MUC20: variants seen among roughly 807,000 people sequenced by gnomAD.
MUC20 encodes mucin 20, cell surface associated.
MUC20 carries 14 observed loss-of-function variants against 23.8 expected under a neutral mutation model. That is an observed-to-expected ratio of 0.59 (90% CI 0.39 to 0.92). The LOEUF (loss-of-function observed/expected upper bound fraction) is 0.92. Among genes scored for constraint, MUC20 ranks in the 40% least tolerant of loss-of-function variants. The pLI is 0.00. For synonymous variants in MUC20, 166 were observed against 279.3 expected (o/e 0.59, Z 4.04); for missense variants, 375 against 668.8 (o/e 0.56, Z 4.85).
At chr3:195,732,401 C>T (rs1054288604) in intron 3 of MUC20, among the ~76,000 whole-genome samples, 4 of 151,780 alleles carry the variant, frequency 2.6e-5, no homozygotes, top group Non-Finnish European at 5.9e-5. Context: ...GCTCTGTCGT[C>T]CAGGCTGGAG....
intron 3 of MUC20, among the ~76,000 whole-genome samples, chr3:195,732,898 T>C (rs1407614670): frequency 6.6e-6 from 1 of 152,252 alleles, no homozygotes; most frequent in African/African-American, 2.4e-5. Context: ...CTGTGTGATC[T>C]TGGATAAGTT....
rs73203948 is a variant in MUC20, at chr3:195,726,546, C to G, written c.1943C>G (p.Thr648Arg). 30 of 1,612,048 alleles carry G rather than the reference C, an allele frequency of 1.9e-5. No individual in the cohort carries two copies. The highest frequency in any genetic ancestry group is 1.6e-4 in the African/African-American group (12 of 74,936). ...PPTATPTTAR[T>R]RPTTDVSAGE... ...ACAGCCACGCCCACGACTGCCCGGA[C>G]GAGGCCGACCACAGACGTGAGTGCA... Residue 648 changes from threonine (T) to arginine (R), a missense_variant, in exon 2 of 4, where the codon ACG becomes AGG. This residue lies in a region of MUC20 where 343 missense variants were observed against 340.2 expected (regional missense o/e 1.01). Coordinates refer to ENST00000447234, the MANE Select transcript of MUC20 (RefSeq NM_001282506.2).
rs1295666194 is a variant in MUC20 at position 195,726,231 on chromosome 3, A to C, written c.1628A>C (p.Tyr543Ser). 2.5e-6 allele frequency: 4 copies of C among 1,613,704 alleles called. No homozygotes were observed. In the Admixed American group the frequency reaches 6.7e-5, roughly 27 times the overall value. The stretch of plus-strand genomic sequence containing the variant: ...GCCCTCTCTGTTGAGACACCAAGTT[A>C]CGTCAAAGTCTCAGGAGCAGCTCCG... ...TSALSVETPS[Y>S]VKVSGAAPVS... Residue 543 changes from tyrosine to serine, a missense_variant, in exon 2 of 4, where the codon TAC (tyrosine) becomes TCC (serine). Around this residue, in one of 4 missense-constraint regions of MUC20, gnomAD observed 343 missense variants for 340.2 expected, o/e 1.01. Transcript: ENST00000447234.
intron 2 of MUC20, 65 bp downstream of exon 2, chr3:195,726,637 C>T: frequency 6.5e-7 from 1 of 1,528,318 alleles, no homozygotes; most frequent in Non-Finnish European, 8.9e-7. Flanking sequence ...CGTCTCCGCA[C>T]TTGAGGAGTG....
chr3:195,733,029 GC>G, intron 3 of MUC20, 120 bp from the exon 4 acceptor site: 1 of 1,028,054 alleles, frequency 9.7e-7, no homozygotes, highest in Non-Finnish European at 1.5e-6. Context: ...CATGTAGGAG[GC>G]CCAGGAAGGG....
rs767610475 is a variant in MUC20, at chr3:195,724,866, CT to C, written c.264del (p.Ala89GlnfsTer17). On this transcript the variant is annotated frameshift_variant, in exon 2 of 4. Coordinates refer to ENST00000447234, the MANE Select transcript of MUC20 (RefSeq NM_001282506.2). LOFTEE classifies it high-confidence loss of function. Reference sequence around the variant, plus strand: ...ACCAGGGGAGCCAAGAGAATTTCCCCTGCAAGAGAGACCAGGAGTTTCACAA... The same window carrying C: ...ACCAGGGGAGCCAAGAGAATTTCCCCGCAAGAGAGACCAGGAGTTTCACAA... ...AETRGAKRIS[P>X]ARETRSFTKT... The C allele has an allele frequency of 1.5e-6, 2 of 1,306,956 alleles. No homozygotes were observed. The highest frequency in any genetic ancestry group is 3.7e-5 in the Admixed American group (2 of 53,750). 81.0% of individuals were successfully genotyped at this position (1,306,956 alleles called of 1,614,324 possible).
Position 195,729,854 on chromosome 3 carries a change from G to A in MUC20, c.2061+115G>A, listed in dbSNP as rs532303415. ...GCTACCGCGCTTGGAAGGGAGTCTC[G>A]TTTCTTACGGAGAATTGGGAGCTGA... is the stretch of plus-strand genomic sequence containing the variant. On this transcript the variant is annotated intron_variant, in intron 3 of 3. Transcript: ENST00000447234. 62 of 1,006,960 alleles carry A rather than the reference G, an allele frequency of 6.2e-5. No individual in the cohort carries two copies. In the East Asian group the frequency reaches 7.3e-4, roughly 12 times the overall value. 62.4% of individuals were successfully genotyped at this position (1,006,960 alleles called of 1,614,324 possible).
chr3:195,729,613 G>C (rs1242086934), intron 2 of MUC20, 35 bp from the exon 3 acceptor site: 1 of 1,547,660 alleles, frequency 6.5e-7, no homozygotes, highest in South Asian at 1.2e-5. Flanking sequence ...ACTGCGCCCA[G>C]CCCTGATTTT....
chr3:195,729,660 G>A lies in MUC20; in HGVS notation c.1982G>A (p.Gly661Asp). ...TTDVSAGENG[G>D]FLLLRLSVAS... ...TCTCCATTTGCAGGTGAAAATGGAGGTTTCCTCCTCCTGCGGCTGAGTGTG... is the reference window on the plus strand; with the variant it reads ...TCTCCATTTGCAGGTGAAAATGGAGATTTCCTCCTCCTGCGGCTGAGTGTG... The change falls in exon 3 of 4, where the codon GGT (glycine) becomes GAT (aspartate). Residue 661 changes from glycine (G) to aspartate (D), a missense_variant. By Grantham distance (94) the Gly-to-Asp change is moderately conservative. Around this residue, in one of 4 missense-constraint regions of MUC20, gnomAD observed 343 missense variants for 340.2 expected, o/e 1.01. Transcript: ENST00000447234. The A allele has an allele frequency of 6.3e-7, 1 of 1,584,070 alleles. No individual in the cohort carries two copies. Among genetic ancestry groups the A allele is most frequent in the South Asian group, 1.2e-5 (1 of 86,660 alleles).
At position 195,733,102 on chromosome 3, in the gene MUC20, T is replaced by C. The variant is rs1455179579; in HGVS notation, c.2062-48T>C. ...TTCCTGTCCTCTGCCTCTGGCGAGC[T>C]CATGGGCCAGATGGGCTGAAAGGAC... is the stretch of plus-strand genomic sequence containing the variant. On this transcript the variant is annotated intron_variant, in intron 3 of 3. Transcript: ENST00000447234. 5.8e-6 allele frequency: 9 copies of C among 1,550,558 alleles called. No homozygotes were observed. In the Admixed American group the frequency reaches 1.4e-4, roughly 23 times the overall value.
At chr3:195,728,665 A>G (rs551117677) in intron 2 of MUC20, among the ~76,000 whole-genome samples, 43 of 152,030 alleles carry the variant, frequency 2.8e-4, no homozygotes, top group African/African-American at 1.0e-3. Flanking sequence ...AATCCACCTC[A>G]GCACAGACCC....
chr3:195,733,296 C>A lies in MUC20; in HGVS notation c.*78C>A. On this transcript the variant is annotated 3_prime_UTR_variant, in exon 4 of 4. Coordinates refer to ENST00000447234, the MANE Select transcript of MUC20 (RefSeq NM_001282506.2). Reference sequence around the variant, plus strand: ...CCTAGCCTGGGCCCCCACCGACAGACTGCAGCTGCGTTACTGTGCTGAGAG... The same window carrying A: ...CCTAGCCTGGGCCCCCACCGACAGAATGCAGCTGCGTTACTGTGCTGAGAG... 1.3e-6 allele frequency: 2 copies of A among 1,550,046 alleles called. No homozygotes were observed. Among genetic ancestry groups the A allele is most frequent in the Non-Finnish European group, 1.7e-6 (2 of 1,146,168 alleles).
At chr3:195,728,630 C>G (rs1403827092) in intron 2 of MUC20, among the ~76,000 whole-genome samples, 1 of 151,956 alleles carries the variant, frequency 6.6e-6, no homozygotes, top group Non-Finnish European at 1.5e-5. Flanking sequence ...TCTATCTCAA[C>G]TGCAAGAGGA....
chr3:195,729,057 G>A (rs1255803599), intron 2 of MUC20, among the ~76,000 whole-genome samples: 1 of 152,256 alleles, frequency 6.6e-6, no homozygotes, highest in Non-Finnish European at 1.5e-5. Flanking sequence ...TTTCTACAGA[G>A]ACACAGTGAC....
chr3:195,723,043 G>T (rs1712308785), intron 1 of MUC20, among the ~76,000 whole-genome samples: 1 of 147,530 alleles, frequency 6.8e-6, no homozygotes, highest in Admixed American at 6.8e-5. Flanking sequence ...TCATCACGTT[G>T]GCAAGGCAGG....
chr3:195,731,528 G>A (rs989040898), intron 3 of MUC20, among the ~76,000 whole-genome samples: 31 of 152,232 alleles, frequency 2.0e-4, no homozygotes, highest in Non-Finnish European at 3.7e-4. Context: ...AGGCAGGAGG[G>A]CCCCCAGGAG....
chr3:195,732,147 G>A (rs1415246279), intron 3 of MUC20, among the ~76,000 whole-genome samples: 1 of 151,948 alleles, frequency 6.6e-6, no homozygotes, highest in Non-Finnish European at 1.5e-5. Context: ...GGGATTACAG[G>A]CCCGCACCAC....
In MUC20 at chr3:195,733,226, C is replaced by A. The variant is rs1330934476; in HGVS notation, c.*8C>A. On this transcript the variant is annotated 3_prime_UTR_variant, in exon 4 of 4. Coordinates refer to ENST00000447234, the MANE Select transcript of MUC20 (RefSeq NM_001282506.2). ...CGTGTCAGGAGAGGCTAACGGACATCAGCTGCAGCCAGGCATGTCCCGTAT... is the reference window on the plus strand; with the variant it reads ...CGTGTCAGGAGAGGCTAACGGACATAAGCTGCAGCCAGGCATGTCCCGTAT... 1.3e-6 allele frequency: 2 copies of A among 1,582,300 alleles called. No homozygotes were observed. The highest frequency in any genetic ancestry group is 3.6e-5 in the Admixed American group (2 of 55,424).
chr3:195,732,482 C>G (rs1469097600), intron 3 of MUC20, among the ~76,000 whole-genome samples: 1 of 152,176 alleles, frequency 6.6e-6, no homozygotes. Context: ...GCCTCAACCT[C>G]CCTAGTAGCT....
Sources: gnomAD v4.1 joint callset for allele counts (sites outside exome capture counted in the v4.1 genomes callset) on GRCh38, gnomAD v4.1.1 for gene constraint, gnomAD v4.1.1 regional missense constraint, MANE v1.5 for transcripts, NCBI Gene and HGNC (gene_info 2026-07-23, HGNC 2026-07-21) for gene names.